The following PWP2 variants were observed in gnomAD, a reference collection of about 807,000 sequenced individuals.
PWP2 encodes the protein periodic tryptophan protein 2 homolog.
For synonymous variants in PWP2, 24 were observed against 45.4 expected (o/e 0.53, Z 1.89); for missense variants, 35 against 114.1 (o/e 0.31, Z 3.16).
rs552064446 is a variant in PWP2 at position 44,128,870 on chromosome 21, C to T, written c.2585+244C>T. Among the ~76,000 whole-genome samples the T allele has an allele frequency of 3.4e-4, 26 of 75,524 alleles. 8 individuals carry two copies. The highest frequency in any genetic ancestry group is 2.9e-3 in the East Asian group (7 of 2,424). 49.5% of individuals were successfully genotyped at this position (75,524 alleles called of 152,430 possible). On this transcript the variant is annotated intron_variant, in intron 20 of 20. Transcript: ENST00000291576. The stretch of plus-strand genomic sequence containing the variant: ...GCAGGCAGACAGGCTGCAGGTGGCG[C>T]GCTCCAGGTGCGGCCGGAATCCTCC...
At chr21:44,111,871 G>A (rs1182547194) in intron 2 of PWP2, among the ~76,000 whole-genome samples, 1 of 69,378 alleles carries the variant, frequency 1.4e-5, no homozygotes, top group African/African-American at 3.1e-5. Context: ...CTACCACCAC[G>A]CCCAGCTAAT....
intron 2 of PWP2, 26 bp downstream of exon 2, chr21:44,109,122 A>C (rs1601869280): frequency 3.4e-6 from 1 of 295,492 alleles, no homozygotes; most frequent in African/African-American, 2.1e-5. Flanking sequence ...TGGTATTCAT[A>C]ATAGTGATAC....
chr21:44,128,689 TG>T, intron 20 of PWP2, 63 bp downstream of exon 20: 1 of 134,634 alleles, frequency 7.4e-6, no homozygotes, highest in South Asian at 6.3e-5. Context: ...GTCCACACTG[TG>T]GAGTGCTCCT....
chr21:44,117,140 T>C lies in PWP2; in HGVS notation c.837-680T>C, dbSNP rs1019240517. On this transcript the variant is annotated intron_variant, in intron 7 of 20. Transcript: ENST00000291576. The stretch of plus-strand genomic sequence containing the variant: ...CGTGCCCGTCAGTGCCCGCGGGGAC[T>C]TGGGGGTGTTGTGCTGGAGTCAAGA... Among the ~76,000 whole-genome samples, 109 of 73,066 alleles carry C rather than the reference T, an allele frequency of 1.5e-3. 44 individuals are homozygous for C. Among genetic ancestry groups the C allele is most frequent in the Non-Finnish European group, 5.9e-4 (13 of 22,126 alleles). The allele number at this position is 73,066 out of a possible 152,430, so 47.9% of individuals were successfully genotyped here.
chr21:44,129,130 C>T lies in PWP2; in HGVS notation c.2585+504C>T, dbSNP rs2039337540. On this transcript the variant is annotated intron_variant, in intron 20 of 20. Transcript: ENST00000291576. ...CTGGCCCTCCGCAGTGCTCACTCTG[C>T]AGGGGTGCCCGCCTCTTCTCCTGTC... Among the ~76,000 whole-genome samples the T allele has an allele frequency of 2.8e-5, 2 of 71,330 alleles. 1 individual carries two copies. Among genetic ancestry groups the T allele is most frequent in the African/African-American group, 6.1e-5 (2 of 32,636 alleles). 46.8% of individuals were successfully genotyped at this position (71,330 alleles called of 152,430 possible).
At chr21:44,109,220 A>T in intron 2 of PWP2, 124 bp downstream of exon 2, 1 of 215,244 alleles carries the variant, frequency 4.6e-6, no homozygotes, top group African/African-American at 2.3e-5. Context: ...CCCGTTAATT[A>T]AGGGAGCCCA....
At chr21:44,107,769 T>G (rs1601868582) in intron 1 of PWP2, among the ~76,000 whole-genome samples, 3 of 36,206 alleles carry the variant, frequency 8.3e-5, no homozygotes, top group Admixed American at 3.0e-4. Context: ...GATGAGGAGG[T>G]GGGACGGGGC....
Position 44,111,825 on chromosome 21 carries a change from C to T in PWP2, c.132-1928C>T, listed in dbSNP as rs769209520. On this transcript the variant is annotated intron_variant, in intron 2 of 20. Coordinates refer to ENST00000291576, the MANE Select transcript of PWP2 (RefSeq NM_005049.3). ...CTGGGTTCAAGCAATTCTCCTGCCT[C>T]GGGCCCCCCTACCAAGTAGCTGGGA... Among the ~76,000 whole-genome samples, 6 of 72,024 alleles carry T rather than the reference C, an allele frequency of 8.3e-5. 3 individuals are homozygous for T. The highest frequency in any genetic ancestry group is 1.2e-4 in the African/African-American group (4 of 33,638). 47.3% of individuals were successfully genotyped at this position (72,024 alleles called of 152,430 possible). A position where few individuals can be genotyped will look rare whatever the true frequency, so the allele number is the denominator to read the frequency against.
At chr21:44,113,432 ATTTTTTG>A (rs1234977455) in intron 2 of PWP2, among the ~76,000 whole-genome samples, 1 of 59,092 alleles carries the variant, frequency 1.7e-5, no homozygotes, top group African/African-American at 4.0e-5. Flanking sequence ...CGCCTGTCCA[ATTTTTTG>A]TTTTTTGTTT....
intron 10 of PWP2, 82 bp downstream of exon 10, chr21:44,119,605 G>A (rs2146274520): frequency 1.1e-5 from 3 of 261,052 alleles, no homozygotes; most frequent in Non-Finnish European, 1.4e-5. Flanking sequence ...GTGTCTTGAC[G>A]GTAGGGCTGG....
At position 44,113,432 on chromosome 21, in the gene PWP2, A is replaced by AT. The variant is rs369929269; in HGVS notation, c.132-315dup. Among the ~76,000 whole-genome samples the AT allele has an allele frequency of 9.5e-3, 565 of 59,180 alleles. 60 individuals carry two copies. The highest frequency in any genetic ancestry group is 0.021 in the African/African-American group (524 of 25,180). The allele number at this position is 59,180 out of a possible 152,430, so 38.8% of individuals were successfully genotyped here. A position where few individuals can be genotyped will look rare whatever the true frequency, so the allele number is the denominator to read the frequency against. On this transcript the variant is annotated intron_variant, in intron 2 of 20. Coordinates refer to ENST00000291576, the MANE Select transcript of PWP2 (RefSeq NM_005049.3). ...AGGTGTGAGCCACCGCGCCTGTCCA[A>AT]TTTTTTGTTTTTTGTTTTTATAGTA...
At chr21:44,121,172 GT>G in intron 13 of PWP2, 70 bp downstream of exon 13, 1 of 113,470 alleles carries the variant, frequency 8.8e-6, no homozygotes, top group South Asian at 4.8e-5. Flanking sequence ...CCACTGCCCT[GT>G]TCCTCGTTGT....
chr21:44,120,353 G>A lies in PWP2; in HGVS notation c.1194G>A (p.Lys398=), dbSNP rs1383683847. ...CCCCTCCTGTCCTGCCTCAGGTCAA[G>A]GTGTGGAACACCCTCAGCGGCTTCT... ...IVTGGDDGKV[K]VWNTLSGFCF... Residue 398 remains lysine (K), a synonymous_variant, in exon 11 of 21, where the codon AAG becomes AAA. Transcript: ENST00000291576. 1 of 611,830 alleles carries A rather than the reference G, an allele frequency of 1.6e-6. No homozygotes were observed. The highest frequency in any genetic ancestry group is 2.5e-6 in the Non-Finnish European group (1 of 392,940). 37.9% of individuals were successfully genotyped at this position (611,830 alleles called of 1,614,324 possible). A position where few individuals can be genotyped will look rare whatever the true frequency, so the allele number is the denominator to read the frequency against.
rs137991555 is a variant in PWP2 at position 44,118,798 on chromosome 21, A to G, written c.1016A>G (p.Asn339Ser). ...SDQSIASVAI[N>S]SSGDWIAFGC... ...CAGAGCATCGCCTCAGTGGCCATCA[A>G]TAGCTCGGGGGACTGGATTGCTTTT... Residue 339 changes from asparagine to serine, a missense_variant, in exon 9 of 21, where the codon AAT becomes AGT. Asn to Ser is a conservative substitution (Grantham distance 46). Coordinates refer to ENST00000291576, the MANE Select transcript of PWP2 (RefSeq NM_005049.3). 253 of 635,080 alleles carry G rather than the reference A, an allele frequency of 4.0e-4. 109 individuals carry two copies. Among genetic ancestry groups the G allele is most frequent in the Non-Finnish European group, 6.2e-4 (246 of 399,136 alleles). 39.3% of individuals were successfully genotyped at this position (635,080 alleles called of 1,614,324 possible).
rs369563253 is a variant in PWP2, at chr21:44,118,752, G to A, written c.981-11G>A. 1.0e-4 allele frequency: 65 copies of A among 631,536 alleles called. 20 individuals are homozygous for A. Among genetic ancestry groups the A allele is most frequent in the African/African-American group, 5.3e-4 (33 of 62,202 alleles). The allele number at this position is 631,536 out of a possible 1,614,324, so 39.1% of individuals were successfully genotyped here. ...AGGCTGGCCTCCCACTTACAGGCCCGTTCTCTGCAGCATTTCAGATCAGAG... is the reference window on the plus strand; with the variant it reads ...AGGCTGGCCTCCCACTTACAGGCCCATTCTCTGCAGCATTTCAGATCAGAG... On this transcript the variant is annotated splice_polypyrimidine_tract_variant and intron_variant, in intron 8 of 20. Coordinates refer to ENST00000291576, the MANE Select transcript of PWP2 (RefSeq NM_005049.3).
intron 9 of PWP2, chr21:44,119,179 G>C (rs112013701): frequency 0.015 from 2,842 of 188,948 alleles, 1,094 homozygotes; most frequent in Middle Eastern, 0.11. Context: ...GTTGTGACCT[G>C]CAACCACTGG....
In PWP2 at chr21:44,110,942, T is replaced by G. The variant is rs182875188; in HGVS notation, c.131+1846T>G. 1.6e-4 allele frequency among the ~76,000 whole-genome samples: 11 copies of G among 68,954 alleles called. 5 individuals carry two copies. The highest frequency in any genetic ancestry group is 4.2e-4 in the Non-Finnish European group (9 of 21,356). The allele number at this position is 68,954 out of a possible 152,430, so 45.2% of individuals were successfully genotyped here. A position where few individuals can be genotyped will look rare whatever the true frequency, so the allele number is the denominator to read the frequency against. On this transcript the variant is annotated intron_variant, in intron 2 of 20. Transcript: ENST00000291576. ...AAAAGAAAAAGATGCCATCGAGGAC[T>G]TACATAGCTAGAGAAAAGTCAGTGT...
At chr21:44,119,113 A>G in intron 9 of PWP2, 1 of 198,208 alleles carries the variant, frequency 5.0e-6, no homozygotes. Context: ...GCCCTCCTCA[A>G]GCACCTCTCT....
At chr21:44,107,492 C>T in intron 1 of PWP2, 58 bp downstream of exon 1, 1 of 887,926 alleles carries the variant, frequency 1.1e-6, no homozygotes, top group Non-Finnish European at 1.6e-6. Flanking sequence ...GTGGACGGCG[C>T]CTGAGCTGGC....
Sources: allele counts gnomAD v4.1 joint callset (sites outside exome capture counted in the v4.1 genomes callset), GRCh38; gene constraint gnomAD v4.1.1; transcripts MANE v1.5; gene names NCBI Gene and HGNC (gene_info 2026-07-23, HGNC 2026-07-21).